The following EYS variants were observed in gnomAD, a reference collection of about 807,000 sequenced individuals.
EYS encodes EGF-like photoreceptor maintenance factor.
EYS carries 250 observed loss-of-function variants against 282.1 expected under a neutral mutation model. The observed-to-expected ratio is 0.89, with a 90% CI of 0.80 to 0.98. EYS has a LOEUF of 0.98. Ranked by LOEUF, EYS falls within the 50% of genes least tolerant of loss-of-function variation. The probability of loss-of-function intolerance (pLI) is 0.00; values close to 1 mark genes in which losing one functional copy is unlikely to be tolerated. For synonymous variants in EYS, 1,355 were observed against 1,282.9 expected (o/e 1.06, Z -1.20); for missense variants, 4,016 against 3,709.0 (o/e 1.08, Z -2.15).
chr6:65,299,413 C>A (rs1277292362), intron 11 of EYS, among the ~76,000 whole-genome samples: 2 of 151,902 alleles, frequency 1.3e-5, no homozygotes, highest in South Asian at 2.1e-4. Context: ...TGACCCCCCC[C>A]AAAAAACAAC....
At chr6:65,390,928 T>C (rs1183096591) in intron 7 of EYS, among the ~76,000 whole-genome samples, 1 of 151,976 alleles carries the variant, frequency 6.6e-6, no homozygotes, top group African/African-American at 2.4e-5. Context: ...TGTGGATACT[T>C]GGAAAATATT....
intron 35 of EYS, among the ~76,000 whole-genome samples, chr6:63,962,214 C>G (rs1766099360): frequency 6.6e-6 from 1 of 152,170 alleles, no homozygotes; most frequent in South Asian, 2.1e-4. Flanking sequence ...GACTTCATGT[C>G]TAAAACACCA....
intron 31 of EYS, among the ~76,000 whole-genome samples, chr6:64,143,922 C>G (rs1180082873): frequency 6.7e-6 from 1 of 150,296 alleles, no homozygotes; most frequent in Non-Finnish European, 1.5e-5. Flanking sequence ...GGGGTATCCC[C>G]TTTTGAGCAG....
chr6:64,624,451 A>G (rs376479236), intron 23 of EYS, among the ~76,000 whole-genome samples: 3 of 152,158 alleles, frequency 2.0e-5, no homozygotes, highest in African/African-American at 7.2e-5. Context: ...CACAATAAAG[A>G]TATTTTTTGC....
chr6:63,827,712 C>T lies in EYS; in HGVS notation c.7229-21340G>A, dbSNP rs536711352. ...ACAAAAAATTAGCCGGGCGCTGTGG[C>T]GGGCGCCTGTAGTCCCAGCTACTTG... is the stretch of plus-strand genomic sequence containing the variant. On this transcript the variant is annotated intron_variant, in intron 36 of 42. Transcript: ENST00000503581. Among the ~76,000 whole-genome samples the T allele has an allele frequency of 3.6e-3, 547 of 151,836 alleles. 1 individual carries two copies. Among genetic ancestry groups the T allele is most frequent in the Non-Finnish European group, 6.0e-3 (407 of 67,838 alleles).
intron 40 of EYS, among the ~76,000 whole-genome samples, chr6:63,768,665 T>C (rs1383189727): frequency 2.0e-5 from 3 of 151,928 alleles, no homozygotes; most frequent in African/African-American, 7.2e-5. Context: ...GAAAGCAGTG[T>C]GGAGATTTCT....
At chr6:64,893,009 C>A (rs769396224) in intron 18 of EYS, among the ~76,000 whole-genome samples, 4 of 151,946 alleles carry the variant, frequency 2.6e-5, no homozygotes, top group Non-Finnish European at 5.9e-5. Context: ...GGAACATTTT[C>A]TTCTATTTTT....
At chr6:64,617,666 G>T in intron 23 of EYS, 133 bp from the exon 24 acceptor site, 1 of 633,626 alleles carries the variant, frequency 1.6e-6, no homozygotes, top group Non-Finnish European at 2.8e-6. Context: ...TTACCTCAGT[G>T]TATCTTCATG....
intron 12 of EYS, among the ~76,000 whole-genome samples, chr6:65,091,977 G>T (rs941537031): frequency 6.6e-6 from 1 of 151,816 alleles, no homozygotes. Context: ...GACTTCCCTC[G>T]GACCCCAGCT....
At chr6:65,532,543 CATTT>C (rs1296868863) in intron 2 of EYS, among the ~76,000 whole-genome samples, 1 of 152,112 alleles carries the variant, frequency 6.6e-6, no homozygotes, top group Non-Finnish European at 1.5e-5. Context: ...TGTAATATCA[CATTT>C]GTTACTGTTT....
At chr6:64,123,749 C>A (rs1287373096) in intron 31 of EYS, among the ~76,000 whole-genome samples, 1 of 152,124 alleles carries the variant, frequency 6.6e-6, no homozygotes, top group East Asian at 1.9e-4. Flanking sequence ...CTGGCAGAAA[C>A]AAACAACGAG....
At chr6:63,934,003 A>C (rs938912052) in intron 35 of EYS, among the ~76,000 whole-genome samples, 7 of 152,330 alleles carry the variant, frequency 4.6e-5, no homozygotes, top group African/African-American at 1.7e-4. Context: ...CAATCTACTC[A>C]TCTGACAAAG....
chr6:64,856,332 C>G (rs1766057983), intron 19 of EYS, among the ~76,000 whole-genome samples: 1 of 152,028 alleles, frequency 6.6e-6, no homozygotes, highest in African/African-American at 2.4e-5. Context: ...AAGGGTCTCA[C>G]TCTCATCACC....
intron 12 of EYS, among the ~76,000 whole-genome samples, chr6:65,217,673 T>C (rs1228143362): frequency 6.6e-6 from 1 of 151,964 alleles, no homozygotes; most frequent in Non-Finnish European, 1.5e-5. Flanking sequence ...AAAAGAGCCA[T>C]ATGAAAAGCC....
rs1176749162 is a variant in EYS, at chr6:64,431,425, A to G, written c.5927+4749T>C. Reference sequence around the variant, plus strand: ...TGAGGGTTAACACTTCAATGCATAAATTTTGTGAAAACCCAATTTAATCCA... The same window carrying G: ...TGAGGGTTAACACTTCAATGCATAAGTTTTGTGAAAACCCAATTTAATCCA... On this transcript the variant is annotated intron_variant, in intron 28 of 42. Transcript: ENST00000503581. Among the ~76,000 whole-genome samples, 99 of 152,274 alleles carry G rather than the reference A, an allele frequency of 6.5e-4. 1 individual carries two copies. Among genetic ancestry groups the G allele is most frequent in the Non-Finnish European group, 5.9e-5 (4 of 68,022 alleles).
intron 35 of EYS, among the ~76,000 whole-genome samples, chr6:63,898,347 T>A (rs1773584564): frequency 6.6e-6 from 1 of 151,900 alleles, no homozygotes; most frequent in Non-Finnish European, 1.5e-5. Flanking sequence ...AAAATTTAGC[T>A]GGGCGTGGTG....
chr6:65,199,388 A>C (rs532760647), intron 12 of EYS, among the ~76,000 whole-genome samples: 1 of 152,242 alleles, frequency 6.6e-6, no homozygotes, highest in African/African-American at 2.4e-5. Context: ...GAAGAATGCA[A>C]AGTTTTCCTA....
Position 65,192,186 on chromosome 6 carries a change from AT to A in EYS, c.2023+103676del, listed in dbSNP as rs980341626. 4.9e-4 allele frequency among the ~76,000 whole-genome samples: 74 copies of A among 151,782 alleles called. 1 individual carries two copies. Among genetic ancestry groups the A allele is most frequent in the Non-Finnish European group, 9.1e-4 (62 of 67,848 alleles). On this transcript the variant is annotated intron_variant, in intron 12 of 42. Coordinates refer to ENST00000503581, the MANE Select transcript of EYS (RefSeq NM_001142800.2). ...TACACATAAAGAATTCTTAATCATG[AT>A]TTTTTATCATAAAAAACAAAAACAC...
chr6:64,687,118 C>G (rs7752267), intron 22 of EYS, among the ~76,000 whole-genome samples: 1 of 150,864 alleles, frequency 6.6e-6, no homozygotes, highest in African/African-American at 2.4e-5. Context: ...AAACATTTAA[C>G]GTAGAAATAA....
Sources: allele counts gnomAD v4.1 joint callset (sites outside exome capture counted in the v4.1 genomes callset), GRCh38; gene constraint gnomAD v4.1.1; transcripts MANE v1.5; gene names NCBI Gene and HGNC (gene_info 2026-07-23, HGNC 2026-07-21).